The following NCOA2 variants were observed in gnomAD, a reference collection of about 807,000 sequenced individuals.
NCOA2 encodes class E basic helix-loop-helix protein 75.
Under a neutral mutation model 145.1 loss-of-function variants are expected in NCOA2, and 21 were observed. That is an observed-to-expected ratio of 0.14 (90% confidence interval 0.10 to 0.21). The LOEUF is 0.21. Ranked by LOEUF, NCOA2 falls within the 10% of genes least tolerant of loss-of-function variation. NCOA2 has a pLI of 1.00. For missense variants in NCOA2, 1,472 were observed against 1,837.6 expected (o/e 0.80, Z 3.64); for synonymous variants, 619 against 637.5 (o/e 0.97, Z 0.44).
chr8:70,113,474 G>A lies in NCOA2; in HGVS notation c.*158C>T, dbSNP rs1057326439. Reference sequence around the variant, plus strand: ...AGGCAGCTCCTCCTGCCACAGCCGAGTGGACGCCACCCTGGGAACCAGGGC... The same window carrying A: ...AGGCAGCTCCTCCTGCCACAGCCGAATGGACGCCACCCTGGGAACCAGGGC... On this transcript the variant is annotated 3_prime_UTR_variant, in exon 23 of 23. Coordinates refer to ENST00000452400, the MANE Select transcript of NCOA2 (RefSeq NM_006540.4). 1 of 734,312 alleles carries A rather than the reference G, an allele frequency of 1.4e-6. No individual in the cohort carries two copies. Among genetic ancestry groups the A allele is most frequent in the African/African-American group, 1.8e-5 (1 of 56,220 alleles). The allele number at this position is 734,312 out of a possible 1,614,324, so 45.5% of individuals were successfully genotyped here.
the NCOA2 span, among the ~76,000 whole-genome samples, chr8:70,412,428 G>A: frequency 0.01 from 1,490 of 148,292 alleles, 34 homozygotes; most frequent in African/African-American, 0.035. Context: ...ATAAAGATAT[G>A]TAAAATCAAT....
intron 15 of NCOA2, among the ~76,000 whole-genome samples, chr8:70,134,560 G>A (rs1335053657): frequency 6.6e-6 from 1 of 152,164 alleles, no homozygotes; most frequent in South Asian, 2.1e-4. Flanking sequence ...AATCTAATGC[G>A]TGCAGGCTGT....
intron 2 of NCOA2, among the ~76,000 whole-genome samples, chr8:70,267,347 C>A (rs147147330): frequency 2.0e-5 from 3 of 151,228 alleles, no homozygotes; most frequent in Non-Finnish European, 2.9e-5. Flanking sequence ...ATGCCAATAT[C>A]CTCATTTCCC....
intron 1 of NCOA2, among the ~76,000 whole-genome samples, chr8:70,329,757 ATAC>A (rs1403816412): frequency 2.0e-5 from 3 of 152,254 alleles, no homozygotes; most frequent in South Asian, 4.1e-4. Flanking sequence ...CTAACGCTAT[ATAC>A]TACAACATTC....
At chr8:70,288,750 T>G (rs1401382325) in intron 2 of NCOA2, among the ~76,000 whole-genome samples, 1 of 152,224 alleles carries the variant, frequency 6.6e-6, no homozygotes, top group Non-Finnish European at 1.5e-5. Flanking sequence ...CATTTCCTAT[T>G]TCCAAAAGAT....
chr8:70,391,066 T>C (rs537117831), intron 1 of NCOA2, among the ~76,000 whole-genome samples: 1 of 152,074 alleles, frequency 6.6e-6, no homozygotes, highest in Admixed American at 6.5e-5. Flanking sequence ...GTAAAGAAGA[T>C]GGAAATAATT....
intron 2 of NCOA2, among the ~76,000 whole-genome samples, chr8:70,232,786 C>A (rs1821248591): frequency 6.6e-6 from 1 of 151,740 alleles, no homozygotes; most frequent in African/African-American, 2.4e-5. Context: ...CTCAAATCTT[C>A]CTTCACATCC....
At chr8:70,446,331 G>A in the NCOA2 span, among the ~76,000 whole-genome samples, 2 of 152,250 alleles carry the variant, frequency 1.3e-5, no homozygotes, top group Middle Eastern at 3.4e-3. Context: ...AGATAGCTTC[G>A]TAGTCACATT....
At chr8:70,130,676 T>G (rs1808988758) in intron 16 of NCOA2, among the ~76,000 whole-genome samples, 2 of 152,248 alleles carry the variant, frequency 1.3e-5, no homozygotes, top group African/African-American at 2.4e-5. Context: ...CTAATTTTAA[T>G]GTTTCAGAGA....
chr8:70,417,424 C>A, the NCOA2 span, among the ~76,000 whole-genome samples: 5 of 151,806 alleles, frequency 3.3e-5, no homozygotes, highest in African/African-American at 1.2e-4. Context: ...TGGTGGGCGC[C>A]TGTAATCCCA....
chr8:70,265,812 T>TTTGTTGTTG (rs139056239), intron 2 of NCOA2, among the ~76,000 whole-genome samples: 2,478 of 151,128 alleles, frequency 0.016, 78 homozygotes, highest in African/African-American at 0.057. Context: ...ACTTCAGTTT[T>TTTGTTGTTG]TTGTTGTTGT....
intron 2 of NCOA2, among the ~76,000 whole-genome samples, chr8:70,245,730 C>T (rs988684503): frequency 2.6e-5 from 4 of 152,056 alleles, no homozygotes; most frequent in African/African-American, 4.8e-5. Flanking sequence ...AATAAATGCT[C>T]AAAACAAACA....
chr8:70,157,068 G>T lies in NCOA2; in HGVS notation c.1297C>A (p.Gln433Lys). 1.2e-6 allele frequency: 2 copies of T among 1,614,048 alleles called. No homozygotes were observed. Among genetic ancestry groups the T allele is most frequent in the Non-Finnish European group, 1.7e-6 (2 of 1,179,902 alleles). ...INFPINGPKEQMGMPMGRFGG... is the reference protein window; with the variant it reads ...INFPINGPKEKMGMPMGRFGG... ...AACCTGCCCATGGGCATGCCCATTT[G>T]TTCCTTTGGGCCATTTATGGGAAAA... Residue 433 changes from glutamine (Q) to lysine (K), a missense_variant, in exon 11 of 23, where the codon CAA (glutamine) becomes AAA (lysine). Around this residue, in one of 4 missense-constraint regions of NCOA2, gnomAD observed 953 missense variants for 1,062.1 expected, o/e 0.90. Transcript: ENST00000452400.
intron 1 of NCOA2, among the ~76,000 whole-genome samples, chr8:70,312,188 G>T (rs568501659): frequency 5.1e-4 from 77 of 152,176 alleles, no homozygotes; most frequent in African/African-American, 1.8e-3. Context: ...AGAACTACAA[G>T]GAAGGGGAAA....
At chr8:70,428,983 T>A in the NCOA2 span, among the ~76,000 whole-genome samples, 127 of 152,326 alleles carry the variant, frequency 8.3e-4, no homozygotes, top group Admixed American at 1.6e-3. Flanking sequence ...GGAAGATATA[T>A]TGTGGCTGAT....
intron 1 of NCOA2, among the ~76,000 whole-genome samples, chr8:70,393,850 G>A (rs1189936228): frequency 1.3e-5 from 2 of 152,190 alleles, no homozygotes; most frequent in African/African-American, 4.8e-5. Flanking sequence ...CTTTAACCAG[G>A]AAATAATGCT....
Position 70,342,774 on chromosome 8 carries a change from TACACACACACACACACACAC to T in NCOA2, c.-76-45994_-76-45975del, listed in dbSNP as rs370685018. Among the ~76,000 whole-genome samples the T allele has an allele frequency of 1.7e-3, 211 of 124,130 alleles. 1 individual carries two copies. The highest frequency in any genetic ancestry group is 5.7e-3 in the South Asian group (20 of 3,486). 81.4% of individuals were successfully genotyped at this position (124,130 alleles called of 152,430 possible). ...TTACACACTTTTCTTCTTTTGCAAT[TACACACACACACACACACAC>T]ACACACACACACACACACACACACA... On this transcript the variant is annotated intron_variant, in intron 1 of 22. Transcript: ENST00000452400.
In NCOA2 at chr8:70,112,849, C is replaced by A. The variant is rs1011784462; in HGVS notation, c.*783G>T. The A allele has an allele frequency of 9.8e-6, 2 of 203,926 alleles. No individual in the cohort carries two copies. Among genetic ancestry groups the A allele is most frequent in the Admixed American group, 6.0e-5 (1 of 16,736 alleles). 12.6% of individuals were successfully genotyped at this position (203,926 alleles called of 1,614,324 possible). A position where few individuals can be genotyped will look rare whatever the true frequency, so the allele number is the denominator to read the frequency against. On this transcript the variant is annotated 3_prime_UTR_variant, in exon 23 of 23. Coordinates refer to ENST00000452400, the MANE Select transcript of NCOA2 (RefSeq NM_006540.4). ...TGCTGATTCAAGCTGTCTGATCAAA[C>A]TAAAAGGGACTTAATTTAGAAATGA...
chr8:70,230,751 C>G (rs1821061413), intron 2 of NCOA2, among the ~76,000 whole-genome samples: 1 of 152,082 alleles, frequency 6.6e-6, no homozygotes, highest in Admixed American at 6.5e-5. Flanking sequence ...TACAAAAACA[C>G]AAAAGAATAG....
Sources: allele counts gnomAD v4.1 joint callset (sites outside exome capture counted in the v4.1 genomes callset), GRCh38; gene constraint gnomAD v4.1.1; regional missense constraint gnomAD v4.1.1; transcripts MANE v1.5; gene names NCBI Gene and HGNC (gene_info 2026-07-23, HGNC 2026-07-21).